BMPR1B: variants seen among roughly 807,000 people sequenced by gnomAD.
BMPR1B encodes bone morphogenetic protein receptor type-1B.
Under a neutral mutation model 59.1 loss-of-function variants are expected in BMPR1B, and 12 were observed. The ratio of observed to expected loss-of-function variants is 0.20; its 90% CI spans 0.13 to 0.33. The LOEUF is 0.33. BMPR1B is among the 10% of genes least tolerant of loss of function. BMPR1B has a pLI of 1.00. For synonymous variants in BMPR1B, 237 were observed against 207.3 expected (o/e 1.14, Z -1.23); for missense variants, 550 against 610.9 (o/e 0.90, Z 1.05).
At chr4:94,867,884 A>G (rs572791386) in intron 1 of BMPR1B, among the ~76,000 whole-genome samples, 53 of 152,124 alleles carry the variant, frequency 3.5e-4, no homozygotes, top group Non-Finnish European at 1.5e-5. Flanking sequence ...TCTCACTTCC[A>G]TCACCCACCC....
chr4:94,929,225 T>G (rs950273284), intron 2 of BMPR1B, among the ~76,000 whole-genome samples: 3 of 152,108 alleles, frequency 2.0e-5, no homozygotes, highest in Admixed American at 2.0e-4. Flanking sequence ...TTGTTTGGTA[T>G]TGCCTTGGGG....
chr4:95,039,628 T>C (rs889584878), intron 3 of BMPR1B, among the ~76,000 whole-genome samples: 1 of 152,160 alleles, frequency 6.6e-6, no homozygotes, highest in Non-Finnish European at 1.5e-5. Context: ...TACGGAAATA[T>C]GTGTGTGAGA....
chr4:95,084,750 T>G (rs1048616112), intron 3 of BMPR1B, among the ~76,000 whole-genome samples: 5 of 152,198 alleles, frequency 3.3e-5, no homozygotes, highest in African/African-American at 1.2e-4. Flanking sequence ...GCAGGTATGT[T>G]TGTCTAAGTC....
At chr4:94,829,068 A>T (rs1374140272) in intron 1 of BMPR1B, among the ~76,000 whole-genome samples, 2 of 151,780 alleles carry the variant, frequency 1.3e-5, no homozygotes, top group African/African-American at 4.8e-5. Context: ...AAAGTTTATG[A>T]TTCATGATTT....
chr4:94,979,694 A>G lies in BMPR1B; in HGVS notation c.-112-16346A>G, dbSNP rs1731161064. Among the ~76,000 whole-genome samples the G allele has an allele frequency of 2.6e-5, 4 of 152,252 alleles. No individual in the cohort carries two copies. In the South Asian group the frequency reaches 8.3e-4, roughly 31 times the overall value. On this transcript the variant is annotated intron_variant, in intron 2 of 12. Coordinates refer to ENST00000515059, the MANE Select transcript of BMPR1B (RefSeq NM_001203.3). ...TCAAAATTCATCTTTTCAAATATCA[A>G]GAACCATATGGTTAAACTTCATAAA... is the stretch of plus-strand genomic sequence containing the variant.
intron 1 of BMPR1B, among the ~76,000 whole-genome samples, chr4:94,838,208 G>C (rs1302799231): frequency 1.1e-5 from 1 of 92,242 alleles, no homozygotes; most frequent in African/African-American, 6.4e-5. Context: ...AAGGATATTG[G>C]TCTAATATTC....
At chr4:94,787,659 G>A (rs537875034) in intron 1 of BMPR1B, among the ~76,000 whole-genome samples, 26 of 152,270 alleles carry the variant, frequency 1.7e-4, no homozygotes, top group African/African-American at 5.5e-4. Flanking sequence ...TTCTTCATTT[G>A]CTTTAAGAAT....
intron 1 of BMPR1B, among the ~76,000 whole-genome samples, chr4:94,806,571 C>T (rs1166055033): frequency 6.6e-6 from 1 of 152,150 alleles, no homozygotes; most frequent in Non-Finnish European, 1.5e-5. Context: ...GAGGCTGTTG[C>T]ACCAGTAGCT....
intron 3 of BMPR1B, among the ~76,000 whole-genome samples, chr4:95,082,547 A>T (rs893992791): frequency 1.3e-5 from 2 of 152,268 alleles, no homozygotes; most frequent in East Asian, 3.9e-4. Context: ...AAATGATTAC[A>T]TCTCATTTAA....
intron 1 of BMPR1B, among the ~76,000 whole-genome samples, chr4:94,865,274 C>T (rs1250933290): frequency 6.6e-6 from 1 of 151,946 alleles, no homozygotes. Context: ...CCCAAATAAT[C>T]TTCAAGTTTT....
intron 3 of BMPR1B, among the ~76,000 whole-genome samples, chr4:95,081,017 C>T (rs1016299682): frequency 6.6e-6 from 1 of 152,080 alleles, no homozygotes; most frequent in Non-Finnish European, 1.5e-5. Flanking sequence ...GAGAGGGACC[C>T]AGTAGGAGGT....
chr4:95,084,203 C>A (rs982949819), intron 3 of BMPR1B, among the ~76,000 whole-genome samples: 7 of 150,826 alleles, frequency 4.6e-5, no homozygotes, highest in Admixed American at 4.6e-4. Flanking sequence ...TGATATATAT[C>A]TTTATATACA....
intron 1 of BMPR1B, among the ~76,000 whole-genome samples, chr4:94,811,142 C>A (rs1172653500): frequency 6.6e-6 from 1 of 152,150 alleles, no homozygotes; most frequent in African/African-American, 2.4e-5. Context: ...GTGTAGTGCT[C>A]AATTAACCGT....
At chr4:94,986,287 T>A (rs1721400963) in intron 2 of BMPR1B, among the ~76,000 whole-genome samples, 1 of 152,202 alleles carries the variant, frequency 6.6e-6, no homozygotes, top group African/African-American at 2.4e-5. Flanking sequence ...ATTGCACCTC[T>A]GTTCTTGCTC....
rs577968796 is a variant in BMPR1B, at chr4:94,955,606, T to C, written c.-112-40434T>C. On this transcript the variant is annotated intron_variant, in intron 2 of 12. Coordinates refer to ENST00000515059, the MANE Select transcript of BMPR1B (RefSeq NM_001203.3). ...TGCATGCTATGCTAGGCATTGTTCC[T>C]CATGCTTTACACGTATTAGCACATT... Among the ~76,000 whole-genome samples, 5 of 152,088 alleles carry C rather than the reference T, an allele frequency of 3.3e-5. No homozygotes were observed. In the South Asian group the frequency reaches 1.0e-3, roughly 32 times the overall value.
intron 2 of BMPR1B, among the ~76,000 whole-genome samples, chr4:94,914,931 C>T (rs1169715241): frequency 6.6e-6 from 1 of 151,988 alleles, no homozygotes; most frequent in African/African-American, 2.4e-5. Context: ...AGTAGTAATA[C>T]CTTATATGAA....
At chr4:94,943,439 G>A (rs954125013) in intron 2 of BMPR1B, among the ~76,000 whole-genome samples, 1 of 152,130 alleles carries the variant, frequency 6.6e-6, no homozygotes, top group African/African-American at 2.4e-5. Flanking sequence ...CACTATTTAT[G>A]TGACATTTGA....
intron 2 of BMPR1B, among the ~76,000 whole-genome samples, chr4:94,961,377 G>T (rs546416749): frequency 6.6e-6 from 1 of 152,034 alleles, no homozygotes; most frequent in East Asian, 1.9e-4. Flanking sequence ...GGCAAAACCC[G>T]ATTCTTTATA....
chr4:94,892,586 A>G (rs1727441801), intron 2 of BMPR1B, among the ~76,000 whole-genome samples: 2 of 152,102 alleles, frequency 1.3e-5, no homozygotes, highest in South Asian at 4.1e-4. Context: ...CATTAAATAA[A>G]TTCTATAACC....
Sources: allele counts gnomAD v4.1 joint callset (sites outside exome capture counted in the v4.1 genomes callset), GRCh38; gene constraint gnomAD v4.1.1; transcripts MANE v1.5; gene names NCBI Gene and HGNC (gene_info 2026-07-23, HGNC 2026-07-21).